The following DEFB109B variants were observed in gnomAD, a reference collection of about 807,000 sequenced individuals.
The protein encoded by DEFB109B is beta-defensin 109B.
At chr8:7,313,791 A>T (rs1460382401) in intron 1 of DEFB109B, among the ~76,000 whole-genome samples, 1 of 131,652 alleles carries the variant, frequency 7.6e-6, no homozygotes. Flanking sequence ...ACAGTATTTT[A>T]AAAAATGTTT....
At chr8:7,315,170 TCTC>T (rs1320069030) in intron 1 of DEFB109B, among the ~76,000 whole-genome samples, 1 of 82,444 alleles carries the variant, frequency 1.2e-5, no homozygotes, top group Non-Finnish European at 2.1e-5. Context: ...CTCAGGTAGT[TCTC>T]CTGCTCTCCA....
intron 1 of DEFB109B, chr8:7,319,249 A>AAAT (rs1410387794): frequency 7.8e-6 from 1 of 128,882 alleles, no homozygotes; most frequent in Non-Finnish European, 1.5e-5. Flanking sequence ...AAAAAAAAAA[A>AAAT]AGAGAGAGAG....
intron 1 of DEFB109B, chr8:7,318,942 T>C (rs1803119388): frequency 6.8e-6 from 1 of 146,448 alleles, no homozygotes; most frequent in South Asian, 2.1e-4. Flanking sequence ...TAATCTATTC[T>C]ATGACTAAGA....
chr8:7,319,803 G>C (rs1395246360), exon 2 of DEFB109B: 1 of 135,076 alleles, frequency 7.4e-6, no homozygotes, highest in Non-Finnish European at 1.5e-5. Flanking sequence ...GGTGTTTGCA[G>C]AACAGATGTC....
At chr8:7,315,496 C>CAA (rs140776655) in intron 1 of DEFB109B, among the ~76,000 whole-genome samples, 29,663 of 93,494 alleles carry the variant, frequency 0.32, 5,007 homozygotes, top group Non-Finnish European at 0.38. Context: ...GAGACTCCGT[C>CAA]AAAAAAAAAA....
At chr8:7,317,358 T>C (rs1803019003) in intron 1 of DEFB109B, among the ~76,000 whole-genome samples, 1 of 146,764 alleles carries the variant, frequency 6.8e-6, no homozygotes, top group Non-Finnish European at 1.5e-5. Context: ...TCCCAGAAGA[T>C]ATGGGAAACC....
intron 1 of DEFB109B, among the ~76,000 whole-genome samples, chr8:7,313,668 C>G (rs1802758051): frequency 7.0e-6 from 1 of 142,288 alleles, no homozygotes; most frequent in Non-Finnish European, 1.5e-5. Context: ...ATTTACTGGG[C>G]TAAGCATGCA....
intron 1 of DEFB109B, among the ~76,000 whole-genome samples, chr8:7,315,656 G>A (rs1216354217): frequency 7.7e-6 from 1 of 130,442 alleles, no homozygotes; most frequent in East Asian, 2.1e-4. Context: ...ACATTTGCTT[G>A]AGGTTCACTT....
chr8:7,319,250 AGAGAGAG>A (rs1466937077), intron 1 of DEFB109B: 2 of 121,734 alleles, frequency 1.6e-5, no homozygotes, highest in Non-Finnish European at 3.3e-5. Context: ...AAAAAAAAAA[AGAGAGAG>A]AGAGAGAGAG....
chr8:7,318,657 A>T (rs1803095215), intron 1 of DEFB109B: 1 of 132,220 alleles, frequency 7.6e-6, no homozygotes. Flanking sequence ...GCAGAGTGAG[A>T]CCAAAATGAA....
chr8:7,312,370 C>A (rs1318851371), upstream of DEFB109B, among the ~76,000 whole-genome samples: 36 of 137,294 alleles, frequency 2.6e-4, no homozygotes, highest in Non-Finnish European at 3.9e-4. Context: ...AACAAAGGGA[C>A]GTAGGAAACA....
chr8:7,315,496 C>CAAAAA (rs140776655), intron 1 of DEFB109B, among the ~76,000 whole-genome samples: 6 of 93,918 alleles, frequency 6.4e-5, no homozygotes, highest in Admixed American at 3.3e-4. Context: ...GAGACTCCGT[C>CAAAAA]AAAAAAAAAA....
chr8:7,315,404 C>T (rs1585314776), intron 1 of DEFB109B, among the ~76,000 whole-genome samples: 1 of 136,716 alleles, frequency 7.3e-6, no homozygotes, highest in South Asian at 2.1e-4. Flanking sequence ...GAGGCTGAGG[C>T]AGGACAATCA....
chr8:7,313,278 A>C (rs1802724610), intron 1 of DEFB109B, among the ~76,000 whole-genome samples: 1 of 146,060 alleles, frequency 6.8e-6, no homozygotes, highest in Admixed American at 6.6e-5. Context: ...AGGCAGTTAG[A>C]TCTGACAGGA....
At chr8:7,312,105 A>T (rs1273020361), upstream of DEFB109B, among the ~76,000 whole-genome samples, 1 of 88,656 alleles carries the variant, frequency 1.1e-5, no homozygotes, top group Non-Finnish European at 2.0e-5. Flanking sequence ...GGGGGGGGGG[A>T]ACAGATAGAA....
chr8:7,318,466 GAAA>G (rs755332234), intron 1 of DEFB109B: 2 of 82,766 alleles, frequency 2.4e-5, no homozygotes, highest in Non-Finnish European at 4.2e-5. Context: ...GTGGCAAAAT[GAAA>G]AAAAAATAAA....
chr8:7,315,305 C>T (rs1172524634), intron 1 of DEFB109B, among the ~76,000 whole-genome samples: 1 of 132,804 alleles, frequency 7.5e-6, no homozygotes, highest in African/African-American at 3.9e-5. Flanking sequence ...ATCACGAGGT[C>T]AGTGGCTAAC....
At position 7,315,599 on chromosome 8, in the gene DEFB109B, G is replaced by T. The variant is rs1330069749; in HGVS notation, n.58+2696G>T. Among the ~76,000 whole-genome samples the T allele has an allele frequency of 4.5e-5, 6 of 131,900 alleles. 1 individual carries two copies. The highest frequency in any genetic ancestry group is 1.9e-4 in the African/African-American group (5 of 26,788). 86.5% of individuals were successfully genotyped at this position (131,900 alleles called of 152,430 possible). ...GAGTGAATGAGAGTGAGTGTGTTTGGGCCCCTACTGATGCTAAACTATCAC... is the reference window on the plus strand; with the variant it reads ...GAGTGAATGAGAGTGAGTGTGTTTGTGCCCCTACTGATGCTAAACTATCAC... On this transcript the variant is annotated intron_variant and non_coding_transcript_variant, in intron 1 of 1. Coordinates refer to ENST00000382656, the Ensembl canonical transcript of DEFB109B.
intron 1 of DEFB109B, among the ~76,000 whole-genome samples, chr8:7,315,871 T>G (rs1328187554): frequency 7.3e-6 from 1 of 137,432 alleles, no homozygotes; most frequent in East Asian, 2.0e-4. Context: ...TATTCTTTTG[T>G]CAGGGCAAGA....
Sources: allele counts gnomAD v4.1 joint callset (sites outside exome capture counted in the v4.1 genomes callset), GRCh38; gene constraint gnomAD v4.1.1; transcripts MANE v1.5; gene names NCBI Gene and HGNC (gene_info 2026-07-23, HGNC 2026-07-21).